Variants in FRYL observed in about 807,000 individuals in gnomAD.
FRYL encodes protein furry homolog-like.
FRYL carries 150 observed loss-of-function variants against 351.2 expected under a neutral mutation model. The ratio of observed to expected loss-of-function variants is 0.43; its 90% confidence interval spans 0.37 to 0.49. FRYL has a LOEUF of 0.49. Ranked by LOEUF, FRYL falls within the 20% of genes least tolerant of loss-of-function variation. The pLI is 0.00. For synonymous variants in FRYL, 1,153 were observed against 1,257.1 expected (o/e 0.92, Z 1.75); for missense variants, 3,036 against 3,619.3 (o/e 0.84, Z 4.13).
At chr4:48,754,667 G>GTT (rs1560358039) in intron 1 of FRYL, among the ~76,000 whole-genome samples, 7 of 33,026 alleles carry the variant, frequency 2.1e-4, no homozygotes, top group Non-Finnish European at 2.0e-4. Flanking sequence ...GTTTTTTTGG[G>GTT]GTTTTTTTTT....
Position 48,550,604 on chromosome 4 carries a change from C to T in FRYL, c.4621G>A (p.Glu1541Lys), listed in dbSNP as rs1732491426. Residue 1541 changes from glutamate (E) to lysine (K), a missense_variant, in exon 38 of 64, where the codon GAA (glutamate) becomes AAA (lysine). Glu to Lys is a moderately conservative substitution (Grantham distance 56). Around this residue, in one of 7 missense-constraint regions of FRYL, gnomAD observed 1,987 missense variants for 2,311.7 expected, o/e 0.86. Coordinates refer to ENST00000358350, the MANE Select transcript of FRYL (RefSeq NM_015030.2). ...TGGAATTTATTACTTTTTTCTTCTTCATAAGATCCTCCAGAGCTGCTACTG... is the reference window on the plus strand; with the variant it reads ...TGGAATTTATTACTTTTTTCTTCTTTATAAGATCCTCCAGAGCTGCTACTG... ...RYSSSSGGSYEEEKSDSMPLY... is the reference protein window; with the variant it reads ...RYSSSSGGSYKEEKSDSMPLY... The T allele has an allele frequency of 6.2e-7, 1 of 1,608,844 alleles. No homozygotes were observed. The highest frequency in any genetic ancestry group is 8.5e-7 in the Non-Finnish European group (1 of 1,175,518).
intron 4 of FRYL, among the ~76,000 whole-genome samples, chr4:48,626,681 T>C (rs1395187424): frequency 6.6e-6 from 1 of 152,144 alleles, no homozygotes; most frequent in Non-Finnish European, 1.5e-5. Context: ...CTATATCATG[T>C]ATTTTAATTG....
At chr4:48,646,901 A>G (rs1433869436) in intron 3 of FRYL, among the ~76,000 whole-genome samples, 1 of 152,170 alleles carries the variant, frequency 6.6e-6, no homozygotes, top group East Asian at 1.9e-4. Flanking sequence ...CCAGGAGAAC[A>G]GCAGATGTTA....
intron 60 of FRYL, among the ~76,000 whole-genome samples, chr4:48,503,118 A>G (rs1720079633): frequency 1.3e-5 from 2 of 152,096 alleles, no homozygotes; most frequent in South Asian, 4.1e-4. Flanking sequence ...AATGAATAAA[A>G]CTGAACTATT....
chr4:48,600,322 A>T (rs1745454281), intron 13 of FRYL, among the ~76,000 whole-genome samples: 1 of 152,180 alleles, frequency 6.6e-6, no homozygotes, highest in African/African-American at 2.4e-5. Flanking sequence ...ACATTATCTA[A>T]GACTTAATAA....
intron 1 of FRYL, among the ~76,000 whole-genome samples, chr4:48,731,689 T>C (rs558682435): frequency 9.2e-5 from 14 of 152,278 alleles, no homozygotes; most frequent in African/African-American, 2.2e-4. Flanking sequence ...GGGGAAAAGA[T>C]TCCCTATTTA....
intron 35 of FRYL, among the ~76,000 whole-genome samples, chr4:48,555,918 G>A (rs913637772): frequency 3.3e-5 from 5 of 152,092 alleles, no homozygotes; most frequent in African/African-American, 1.2e-4. Context: ...TTTTTGAGAT[G>A]GAGTCTCACT....
intron 2 of FRYL, among the ~76,000 whole-genome samples, chr4:48,706,097 T>C (rs1767310646): frequency 6.6e-6 from 1 of 152,172 alleles, no homozygotes; most frequent in South Asian, 2.1e-4. Flanking sequence ...TCTCCCAAAC[T>C]GCTGGAATTA....
intron 2 of FRYL, among the ~76,000 whole-genome samples, chr4:48,686,424 A>G (rs1257772256): frequency 2.6e-5 from 4 of 152,166 alleles, no homozygotes; most frequent in Admixed American, 6.5e-5. Context: ...TCTAAAATTT[A>G]TTATCAATAC....
chr4:48,533,899 A>C lies in FRYL; in HGVS notation c.6705+646T>G, dbSNP rs184270325. On this transcript the variant is annotated intron_variant, in intron 49 of 63. Transcript: ENST00000358350. ...AAAGTAGTGTATGCCCACTAAGTAG[A>C]ATCTCGTTAAAAAACAGAAAGGTAC... Among the ~76,000 whole-genome samples the C allele has an allele frequency of 1.4e-3, 214 of 152,336 alleles. 1 individual carries two copies. Among genetic ancestry groups the C allele is most frequent in the African/African-American group, 4.6e-3 (190 of 41,576 alleles).
intron 18 of FRYL, 96 bp from the exon 19 acceptor site, chr4:48,586,824 C>A (rs1742194235): frequency 2.8e-6 from 2 of 724,708 alleles, no homozygotes; most frequent in African/African-American, 1.9e-5. Context: ...GCGAGTCCTC[C>A]CCTAAAGTTC....
intron 35 of FRYL, among the ~76,000 whole-genome samples, chr4:48,555,729 A>G (rs1161365567): frequency 6.6e-6 from 1 of 152,182 alleles, no homozygotes; most frequent in Non-Finnish European, 1.5e-5. Flanking sequence ...GTTGTCTTGT[A>G]CCATACACCT....
rs1230075837 is a variant in FRYL, at chr4:48,681,310, A to G, written c.-81+3363T>C. On this transcript the variant is annotated intron_variant, in intron 3 of 63. Transcript: ENST00000358350. The stretch of plus-strand genomic sequence containing the variant: ...TTTTGAAGCTGATTTTCAGGACATT[A>G]CTGTTTGTGCTGATAACAAACCAAA... 1.8e-5 allele frequency: 4 copies of G among 223,268 alleles called. No individual in the cohort carries two copies. In the East Asian group the frequency reaches 5.0e-4, roughly 28 times the overall value. The allele number at this position is 223,268 out of a possible 1,614,324, so 13.8% of individuals were successfully genotyped here.
chr4:48,709,349 T>A (rs906593729), intron 2 of FRYL, among the ~76,000 whole-genome samples: 7 of 152,274 alleles, frequency 4.6e-5, no homozygotes, highest in African/African-American at 1.4e-4. Flanking sequence ...TGAGAGCCAC[T>A]AATATGATAT....
At chr4:48,762,879 A>C (rs1422909744) in intron 1 of FRYL, among the ~76,000 whole-genome samples, 1 of 152,176 alleles carries the variant, frequency 6.6e-6, no homozygotes, top group Non-Finnish European at 1.5e-5. Context: ...AATTATTTTC[A>C]ACAAAAATAT....
At chr4:48,732,036 G>A (rs1360747045) in intron 1 of FRYL, among the ~76,000 whole-genome samples, 3 of 152,000 alleles carry the variant, frequency 2.0e-5, no homozygotes, top group Admixed American at 6.6e-5. Context: ...TCTGACAAAG[G>A]GCTAATATCC....
At chr4:48,517,431 A>T (rs961786552) in intron 55 of FRYL, among the ~76,000 whole-genome samples, 1 of 152,246 alleles carries the variant, frequency 6.6e-6, no homozygotes, top group Non-Finnish European at 1.5e-5. Context: ...TAATGCCTAC[A>T]TATCACGAAG....
chr4:48,730,079 T>G (rs936995929), intron 1 of FRYL, among the ~76,000 whole-genome samples: 1 of 152,110 alleles, frequency 6.6e-6, no homozygotes, highest in African/African-American at 2.4e-5. Flanking sequence ...GAGAACTTCA[T>G]GAAGCATACA....
At chr4:48,715,341 T>A (rs1438443249) in intron 1 of FRYL, among the ~76,000 whole-genome samples, 1 of 152,168 alleles carries the variant, frequency 6.6e-6, no homozygotes, top group Non-Finnish European at 1.5e-5. Flanking sequence ...TTGTCCCTGT[T>A]TGCAGATGAC....
Sources: gnomAD v4.1 joint callset for allele counts (sites outside exome capture counted in the v4.1 genomes callset) on GRCh38, gnomAD v4.1.1 for gene constraint, gnomAD v4.1.1 regional missense constraint, MANE v1.5 for transcripts, NCBI Gene and HGNC (gene_info 2026-07-23, HGNC 2026-07-21) for gene names.